PRKG1: variants seen among roughly 807,000 people sequenced by gnomAD.
PRKG1 encodes the protein cGMP-dependent protein kinase 1.
In PRKG1, 35 loss-of-function variants were observed where a neutral mutation model predicts 88.1. The ratio of observed to expected loss-of-function variants is 0.40; its 90% CI spans 0.30 to 0.53. PRKG1 has a LOEUF of 0.53. Ranked by LOEUF, PRKG1 falls within the 20% of genes least tolerant of loss-of-function variation. PRKG1 has a pLI of 0.59. For synonymous variants in PRKG1, 303 were observed against 292.5 expected, an observed-to-expected ratio of 1.04 and a Z score of -0.37; for missense variants, 540 against 839.8, an observed-to-expected ratio of 0.64 and a Z score of 4.41.
chr10:52,282,069 A>G (rs1842013803), intron 13 of PRKG1, 84 bp from the exon 14 acceptor site: 1 of 1,264,534 alleles, frequency 7.9e-7, no homozygotes, highest in Non-Finnish European at 1.1e-6. Context: ...AATTATTATC[A>G]TCATCAGTGT....
intron 5 of PRKG1, among the ~76,000 whole-genome samples, chr10:52,024,613 A>G (rs1845284572): frequency 1.3e-5 from 2 of 152,030 alleles, no homozygotes; most frequent in Admixed American, 6.6e-5. Context: ...GTTTGCTGAG[A>G]ATGATGGTTT....
chr10:51,900,318 T>A (rs1937663), intron 4 of PRKG1, among the ~76,000 whole-genome samples: 41,672 of 152,024 alleles, frequency 0.27, 5,966 homozygotes, highest in Admixed American at 0.36. Flanking sequence ...ATTTCATCCT[T>A]CATTAACATC....
Position 51,104,702 on chromosome 10 carries a change from A to T in PRKG1, c.311+29801A>T, listed in dbSNP as rs7478405. Among the ~76,000 whole-genome samples the T allele has an allele frequency of 5.1e-5, 6 of 116,986 alleles. No homozygotes were observed. The East Asian group carries it at 6.7e-4, about 13-fold the overall frequency. 76.7% of individuals were successfully genotyped at this position (116,986 alleles called of 152,430 possible). A position where few individuals can be genotyped will look rare whatever the true frequency, so the allele number is the denominator to read the frequency against. ...CCTGGCTAATTTTTATTTTTATTTTATTTATTTATTTATTTATTTATTTAT... is the reference window on the plus strand; with the variant it reads ...CCTGGCTAATTTTTATTTTTATTTTTTTTATTTATTTATTTATTTATTTAT... On this transcript the variant is annotated intron_variant, in intron 1 of 17. Transcript: ENST00000373980.
chr10:51,298,963 T>C (rs1336192644), intron 2 of PRKG1, among the ~76,000 whole-genome samples: 1 of 152,154 alleles, frequency 6.6e-6, no homozygotes, highest in Non-Finnish European at 1.5e-5. Context: ...AGTGTTTTCC[T>C]GGTATTTAAG....
chr10:52,286,675 A>G (rs939507732), intron 14 of PRKG1, among the ~76,000 whole-genome samples: 32 of 152,120 alleles, frequency 2.1e-4, no homozygotes, highest in African/African-American at 7.2e-4. Context: ...GTAATCTTAC[A>G]TATATTTTAT....
At chr10:52,101,488 A>G (rs1221315791) in intron 7 of PRKG1, among the ~76,000 whole-genome samples, 1 of 152,208 alleles carries the variant, frequency 6.6e-6, no homozygotes, top group Non-Finnish European at 1.5e-5. Flanking sequence ...TACTGCATAA[A>G]TTCATATAAA....
chr10:52,053,855 C>A (rs143798618), intron 5 of PRKG1, among the ~76,000 whole-genome samples: 209 of 152,232 alleles, frequency 1.4e-3, no homozygotes, highest in African/African-American at 4.9e-3. Context: ...GAAGCAAGAA[C>A]ACTAAAGCAT....
intron 10 of PRKG1, among the ~76,000 whole-genome samples, chr10:52,265,291 C>A (rs1323780629): frequency 6.6e-6 from 1 of 152,052 alleles, no homozygotes; most frequent in Non-Finnish European, 1.5e-5. Flanking sequence ...GTACCCTTCT[C>A]CTGCTGTGCA....
chr10:51,163,113 C>T (rs573383378), intron 2 of PRKG1, among the ~76,000 whole-genome samples: 76 of 151,698 alleles, frequency 5.0e-4, no homozygotes, highest in African/African-American at 1.8e-3. Flanking sequence ...TGGGGTGAGC[C>T]GAGATCACAC....
intron 3 of PRKG1, among the ~76,000 whole-genome samples, chr10:51,589,747 C>T (rs1402100491): frequency 6.6e-6 from 1 of 152,126 alleles, no homozygotes; most frequent in East Asian, 1.9e-4. Context: ...TTTGTGTGTT[C>T]AAGTGCAAAA....
chr10:51,262,575 T>G (rs1025615387), intron 2 of PRKG1, among the ~76,000 whole-genome samples: 1 of 152,220 alleles, frequency 6.6e-6, no homozygotes, highest in Non-Finnish European at 1.5e-5. Flanking sequence ...ATAAAGCCCA[T>G]GTATTAGTCC....
chr10:52,118,499 T>C lies in PRKG1; in HGVS notation c.936-15341T>C, dbSNP rs556128594. Among the ~76,000 whole-genome samples the C allele has an allele frequency of 3.9e-5, 6 of 152,182 alleles. No homozygotes were observed. In the South Asian group the frequency reaches 1.2e-3, roughly 31 times the overall value. On this transcript the variant is annotated intron_variant, in intron 7 of 17. Coordinates refer to ENST00000373980, the MANE Select transcript of PRKG1 (RefSeq NM_006258.4). ...TATTTTAAGACCTTTAAAATGCTTA[T>C]ACAGTGTATCTCTATGATAGGTGCT...
At chr10:51,256,249 C>T (rs145742410) in intron 2 of PRKG1, among the ~76,000 whole-genome samples, 8 of 152,192 alleles carry the variant, frequency 5.3e-5, no homozygotes, top group South Asian at 2.1e-4. Flanking sequence ...ACTATGATTA[C>T]TTGATTACAA....
intron 3 of PRKG1, among the ~76,000 whole-genome samples, chr10:51,764,542 T>C (rs965651739): frequency 5.9e-5 from 9 of 152,156 alleles, no homozygotes; most frequent in Admixed American, 4.6e-4. Flanking sequence ...GGCAGAACTA[T>C]GCAAAGGATG....
At chr10:51,817,316 T>C (rs1310156033) in intron 4 of PRKG1, among the ~76,000 whole-genome samples, 1 of 149,790 alleles carries the variant, frequency 6.7e-6, no homozygotes, top group East Asian at 2.0e-4. Context: ...CATCTAACAT[T>C]AGGTATTTCT....
At chr10:51,295,819 A>G (rs1840705810) in intron 2 of PRKG1, among the ~76,000 whole-genome samples, 1 of 152,178 alleles carries the variant, frequency 6.6e-6, no homozygotes, top group African/African-American at 2.4e-5. Context: ...CTTTTCATGT[A>G]TGGCCTGTAT....
At chr10:52,197,999 A>G (rs1049381800) in intron 9 of PRKG1, among the ~76,000 whole-genome samples, 2 of 152,158 alleles carry the variant, frequency 1.3e-5, no homozygotes, top group African/African-American at 4.8e-5. Flanking sequence ...CACTGGGAGG[A>G]CACAAAGTAG....
Position 51,336,515 on chromosome 10 carries a change from A to G in PRKG1, c.479-131208A>G, listed in dbSNP as rs188631854. 2.9e-3 allele frequency among the ~76,000 whole-genome samples: 441 copies of G among 152,294 alleles called. 3 individuals are homozygous for G. The highest frequency in any genetic ancestry group is 0.01 in the African/African-American group (430 of 41,564). On this transcript the variant is annotated intron_variant, in intron 2 of 17. Coordinates refer to ENST00000373980, the MANE Select transcript of PRKG1 (RefSeq NM_006258.4). ...ATCCTCTCCCCCTCTTATGGCACAC[A>G]CTGCTAATTGATCATGGCCTCCATT...
intron 2 of PRKG1, among the ~76,000 whole-genome samples, chr10:51,299,968 T>C (rs527600946): frequency 1.3e-5 from 2 of 152,284 alleles, no homozygotes; most frequent in South Asian, 4.2e-4. Context: ...ACCTAACATT[T>C]CTACCACCTA....
Sources: gnomAD v4.1 joint callset for allele counts (sites outside exome capture counted in the v4.1 genomes callset) on GRCh38, gnomAD v4.1.1 for gene constraint, MANE v1.5 for transcripts, NCBI Gene and HGNC (gene_info 2026-07-23, HGNC 2026-07-21) for gene names.